MYO7B: variants seen among roughly 807,000 people sequenced by gnomAD.
MYO7B encodes the protein myosin VIIB.
MYO7B carries 212 observed loss-of-function variants against 259.7 expected under a neutral mutation model. That is an observed-to-expected ratio of 0.82 (90% CI 0.73 to 0.91). The LOEUF is 0.91. MYO7B is among the 40% of genes least tolerant of loss of function. The pLI is 0.00. For synonymous variants in MYO7B, 1,197 were observed against 1,166.4 expected, an observed-to-expected ratio of 1.03 and a Z score of -0.54; for missense variants, 2,732 against 2,813.5, an observed-to-expected ratio of 0.97 and a Z score of 0.66.
At chr2:127,623,812 A>G (rs1471271756) in intron 29 of MYO7B, among the ~76,000 whole-genome samples, 1 of 152,110 alleles carries the variant, frequency 6.6e-6, no homozygotes, top group African/African-American at 2.4e-5. Context: ...CTCACACACC[A>G]GTCATCCAAC....
rs1048032536 is a variant in MYO7B, at chr2:127,628,617, C to T, written c.4624+82C>T. On this transcript the variant is annotated intron_variant, in intron 34 of 47. Transcript: ENST00000409816. This position sits in a 1 kb window ranked among gnomAD's most constrained non-coding sequence, Gnocchi z 4.8. ...GGGGTCTGTAGGTAGGTGGCATGCT[C>T]ATCTCCACACAGCAGCCACAAGGCA... 1.2e-5 allele frequency: 17 copies of T among 1,367,088 alleles called. No individual in the cohort carries two copies. The South Asian group carries it at 1.6e-4, about 13-fold the overall frequency. The allele number at this position is 1,367,088 out of a possible 1,614,324, so 84.7% of individuals were successfully genotyped here.
chr2:127,549,580 T>G (rs780024200), intron 1 of MYO7B, among the ~76,000 whole-genome samples: 1 of 152,182 alleles, frequency 6.6e-6, no homozygotes, highest in Admixed American at 6.5e-5. Flanking sequence ...TCAGCAATTG[T>G]TAGTTTCATT....
At chr2:127,550,789 A>AT (rs1041598637) in intron 1 of MYO7B, among the ~76,000 whole-genome samples, 5 of 152,004 alleles carry the variant, frequency 3.3e-5, no homozygotes, top group African/African-American at 1.2e-4. Flanking sequence ...AAGAAAATGC[A>AT]TTTTTAAGAT....
chr2:127,571,441 A>ATTTTTTTTTTTT (rs1678601958), intron 6 of MYO7B, among the ~76,000 whole-genome samples: 2 of 17,624 alleles, frequency 1.1e-4, no homozygotes, highest in Non-Finnish European at 2.2e-4. Flanking sequence ...CTTACCAGTG[A>ATTTTTTTTTTTT]GTTTTTTTTT....
chr2:127,610,660 T>C (rs777433), intron 24 of MYO7B, among the ~76,000 whole-genome samples: 52,359 of 152,240 alleles, frequency 0.34, 9,282 homozygotes, highest in South Asian at 0.39. Flanking sequence ...ATGAATTACA[T>C]GCAGTGACAG....
chr2:127,553,599 A>C (rs1310880962), intron 1 of MYO7B, among the ~76,000 whole-genome samples: 2 of 152,198 alleles, frequency 1.3e-5, no homozygotes, highest in African/African-American at 2.4e-5. Context: ...ATTTGTGTAC[A>C]TTAATTTTGT....
chr2:127,599,742 A>G (rs772950968), intron 19 of MYO7B, among the ~76,000 whole-genome samples: 1 of 152,034 alleles, frequency 6.6e-6, no homozygotes, highest in East Asian at 1.9e-4. Context: ...TTGAATGTCA[A>G]TTTTTTTCCT....
At chr2:127,621,927 G>T in intron 27 of MYO7B, 55 bp from the exon 28 acceptor site, 1 of 1,551,290 alleles carries the variant, frequency 6.4e-7, no homozygotes. Flanking sequence ...GTGGTGAGTA[G>T]AAACTGGCCT....
intron 12 of MYO7B, among the ~76,000 whole-genome samples, chr2:127,583,603 G>A (rs549314381): frequency 8.5e-5 from 13 of 152,348 alleles, no homozygotes; most frequent in Non-Finnish European, 1.9e-4. Context: ...GCCGGGGGTG[G>A]TAGGTGGAGG....
At chr2:127,583,596 G>A (rs779038252) in intron 12 of MYO7B, among the ~76,000 whole-genome samples, 15 of 152,242 alleles carry the variant, frequency 9.9e-5, no homozygotes, top group East Asian at 3.8e-4. Flanking sequence ...GACTTGAGCC[G>A]GGGGTGGTAG....
At position 127,635,391 on chromosome 2, in the gene MYO7B, G is replaced by A. The variant is rs2105151706; in HGVS notation, c.5820+165G>A. 4 of 675,114 alleles carry A rather than the reference G, an allele frequency of 5.9e-6. No homozygotes were observed. The South Asian group carries it at 7.4e-5, about 13-fold the overall frequency. 41.8% of individuals were successfully genotyped at this position (675,114 alleles called of 1,614,324 possible). A position where few individuals can be genotyped will look rare whatever the true frequency, so the allele number is the denominator to read the frequency against. ...CCTGAGGGCTCTGGAACCAGGAGCAGAGGGCAGCAATGTTTGGGGACAGTG... is the reference window on the plus strand; with the variant it reads ...CCTGAGGGCTCTGGAACCAGGAGCAAAGGGCAGCAATGTTTGGGGACAGTG... On this transcript the variant is annotated intron_variant, in intron 43 of 47. Coordinates refer to ENST00000409816, the MANE Select transcript of MYO7B (RefSeq NM_001393586.1).
chr2:127,549,361 G>A lies in MYO7B; in HGVS notation c.-23-10339G>A, dbSNP rs1693361591. ...ATTTTTATTAGGGAGTACATGTACA[G>A]GTTCGTTACGTGGATACATTGCGTG... On this transcript the variant is annotated intron_variant, in intron 1 of 47. Transcript: ENST00000409816. 2.6e-5 allele frequency among the ~76,000 whole-genome samples: 4 copies of A among 152,180 alleles called. No individual in the cohort carries two copies. In the South Asian group the frequency reaches 8.3e-4, roughly 32 times the overall value.
intron 1 of MYO7B, among the ~76,000 whole-genome samples, chr2:127,540,237 C>T (rs1692952091): frequency 6.6e-6 from 1 of 151,460 alleles, no homozygotes; most frequent in Non-Finnish European, 1.5e-5. Context: ...GATCTCGGCT[C>T]ACTGCAATCT....
Position 127,584,350 on chromosome 2 carries a change from C to A in MYO7B, c.1554+18C>A, listed in dbSNP as rs1331209219. The A allele has an allele frequency of 3.1e-6, 5 of 1,612,428 alleles. No homozygotes were observed. Among genetic ancestry groups the A allele is most frequent in the Non-Finnish European group, 2.5e-6 (3 of 1,178,692 alleles). Reference sequence around the variant, plus strand: ...TCCCGCAGGTGTGTGTTCGGGCCTGCCGACCTTCTGGTGGAGGCCCTGCTA... The same window carrying A: ...TCCCGCAGGTGTGTGTTCGGGCCTGACGACCTTCTGGTGGAGGCCCTGCTA... On this transcript the variant is annotated intron_variant, in intron 13 of 47. Transcript: ENST00000409816. This position sits in a 1 kb window ranked among gnomAD's most constrained non-coding sequence, Gnocchi z 5.8.
At chr2:127,600,963 T>C (rs1679946741) in intron 19 of MYO7B, among the ~76,000 whole-genome samples, 1 of 152,268 alleles carries the variant, frequency 6.6e-6, no homozygotes, top group South Asian at 2.1e-4. Context: ...AATCTCTGTC[T>C]TAGCACTGCT....
chr2:127,583,510 G>C (rs895829678), intron 12 of MYO7B, among the ~76,000 whole-genome samples: 1 of 152,232 alleles, frequency 6.6e-6, no homozygotes, highest in Non-Finnish European at 1.5e-5. Context: ...ACAGGTATTG[G>C]AGACAGCATG....
intron 12 of MYO7B, among the ~76,000 whole-genome samples, chr2:127,583,477 A>G (rs1311887391): frequency 6.6e-6 from 1 of 152,140 alleles, no homozygotes; most frequent in African/African-American, 2.4e-5. Flanking sequence ...GATTCCGATT[A>G]TTGGCGTCTG....
In MYO7B at chr2:127,635,413, A is replaced by G. The variant is rs1681747715; in HGVS notation, c.5820+187A>G. 6.2e-6 allele frequency: 4 copies of G among 640,642 alleles called. No individual in the cohort carries two copies. In the East Asian group the frequency reaches 1.1e-4, roughly 17 times the overall value. The allele number at this position is 640,642 out of a possible 1,614,324, so 39.7% of individuals were successfully genotyped here. A position where few individuals can be genotyped will look rare whatever the true frequency, so the allele number is the denominator to read the frequency against. On this transcript the variant is annotated intron_variant, in intron 43 of 47. Transcript: ENST00000409816. ...GCAGAGGGCAGCAATGTTTGGGGAC[A>G]GTGACTGCACTGGCACCTGCAGCAT...
chr2:127,596,462 G>A lies in MYO7B; in HGVS notation c.2245G>A (p.Asp749Asn). Residue 749 changes from aspartate (D) to asparagine (N), a missense_variant and splice_region_variant, in exon 19 of 48, where the codon GAT (aspartate) becomes AAT (asparagine). Physicochemically the swap from Asp to Asn is conservative, Grantham distance 23. This residue lies in a region of MYO7B where 1,906 missense variants were observed against 2,026.4 expected (regional missense o/e 0.94). Transcript: ENST00000409816. ...KAGKTKIFLRDHQDTLLEVQR... is the reference protein window; with the variant it reads ...KAGKTKIFLRNHQDTLLEVQR... The stretch of plus-strand genomic sequence containing the variant: ...AGTGACGGCGTCTCTCCTGTTCCAG[G>A]ATCATCAGGACACTCTGCTGGAGGT... The A allele has an allele frequency of 6.2e-7, 1 of 1,612,362 alleles. No homozygotes were observed. The highest frequency in any genetic ancestry group is 8.5e-7 in the Non-Finnish European group (1 of 1,178,962).
Sources: gnomAD v4.1 joint callset for allele counts (sites outside exome capture counted in the v4.1 genomes callset) on GRCh38, gnomAD v4.1.1 for gene constraint, gnomAD v4.1.1 regional missense constraint, Gnocchi (gnomAD v3.1) non-coding constraint, MANE v1.5 for transcripts, NCBI Gene and HGNC (gene_info 2026-07-23, HGNC 2026-07-21) for gene names.